The following TRABD2B variants were observed in gnomAD, a reference collection of about 807,000 sequenced individuals.
TRABD2B encodes TraB domain containing 2B.
In TRABD2B, 14 loss-of-function variants were observed where a neutral mutation model predicts 40.1. That is an observed-to-expected ratio of 0.35 (90% confidence interval 0.23 to 0.55). The LOEUF (loss-of-function observed/expected upper bound fraction) is 0.55, where lower values mean the gene tolerates loss of function less well. Among genes scored for constraint, TRABD2B ranks in the 20% least tolerant of loss-of-function variants. The pLI, the probability that TRABD2B is intolerant of heterozygous loss-of-function variation, is 0.90. For synonymous variants in TRABD2B, 263 were observed against 277.0 expected (o/e 0.95, Z 0.50); for missense variants, 541 against 648.6 (o/e 0.83, Z 1.80).
chr1:47,929,499 C>G (rs1645011897), intron 2 of TRABD2B, among the ~76,000 whole-genome samples: 2 of 152,200 alleles, frequency 1.3e-5, no homozygotes, highest in African/African-American at 4.8e-5. Context: ...TGGCAGAGGG[C>G]AGACATTGCA....
intron 2 of TRABD2B, among the ~76,000 whole-genome samples, chr1:47,962,254 C>A (rs538576543): frequency 5.3e-5 from 8 of 152,076 alleles, no homozygotes; most frequent in African/African-American, 1.9e-4. Context: ...AGGAGATATA[C>A]CTAATGTAAA....
At chr1:47,869,833 T>G (rs1644115740) in intron 2 of TRABD2B, among the ~76,000 whole-genome samples, 1 of 151,984 alleles carries the variant, frequency 6.6e-6, no homozygotes, top group African/African-American at 2.4e-5. Context: ...GCAAAGAACA[T>G]TTGGAAGCCA....
chr1:47,864,050 C>A (rs1644018113), intron 2 of TRABD2B, among the ~76,000 whole-genome samples: 1 of 152,004 alleles, frequency 6.6e-6, no homozygotes, highest in South Asian at 2.1e-4. Context: ...GAAAACGCAA[C>A]AAAACTATGG....
At chr1:47,970,259 G>A (rs1645662527) in intron 2 of TRABD2B, among the ~76,000 whole-genome samples, 1 of 151,442 alleles carries the variant, frequency 6.6e-6, no homozygotes, top group African/African-American at 2.4e-5. Flanking sequence ...GTTCAGTGGG[G>A]GACAAAACAC....
intron 2 of TRABD2B, among the ~76,000 whole-genome samples, chr1:47,840,241 GGCACTCGCTACATGCTGA>G (rs1645378370): frequency 6.6e-6 from 1 of 152,144 alleles, no homozygotes; most frequent in Non-Finnish European, 1.5e-5. Context: ...ACAACTGATG[GGCACTCGCTACATGCTGA>G]GCCCTTTCAC....
chr1:47,983,022 A>T (rs1645863304), intron 2 of TRABD2B, among the ~76,000 whole-genome samples: 1 of 152,222 alleles, frequency 6.6e-6, no homozygotes, highest in African/African-American at 2.4e-5. Context: ...TACCATAGAG[A>T]CACAGGTTTG....
chr1:47,794,435 C>T (rs1644716621), intron 4 of TRABD2B, 151 bp downstream of exon 4: 1 of 839,664 alleles, frequency 1.2e-6, no homozygotes, highest in East Asian at 3.1e-5. Context: ...GGAGAACTGC[C>T]TTGGATCTCG....
chr1:47,801,648 G>T, intron 2 of TRABD2B, 29 bp from the exon 3 acceptor site: 1 of 1,532,548 alleles, frequency 6.5e-7, no homozygotes, highest in Non-Finnish European at 8.7e-7. Context: ...GAGGAATGAG[G>T]GCTGTGCTCA....
At chr1:47,766,232 C>T in intron 6 of TRABD2B, 126 bp from the exon 7 acceptor site, 1 of 626,964 alleles carries the variant, frequency 1.6e-6, no homozygotes, top group Non-Finnish European at 2.9e-6. Context: ...GAACAAGGAG[C>T]TTGAGCAGGC....
intron 2 of TRABD2B, among the ~76,000 whole-genome samples, chr1:47,987,128 A>G (rs1232423521): frequency 6.6e-6 from 1 of 152,048 alleles, no homozygotes; most frequent in East Asian, 1.9e-4. Context: ...GCACGCTCCC[A>G]TTTTTATCTC....
chr1:47,991,558 AG>A (rs1443362113), intron 2 of TRABD2B, among the ~76,000 whole-genome samples: 3 of 152,204 alleles, frequency 2.0e-5, no homozygotes, highest in Admixed American at 6.5e-5. Context: ...AGCTTTTTCC[AG>A]GGTTCCAAAA....
intron 2 of TRABD2B, among the ~76,000 whole-genome samples, chr1:47,903,760 T>C (rs1412647730): frequency 6.6e-6 from 1 of 152,158 alleles, no homozygotes; most frequent in East Asian, 1.9e-4. Context: ...ATGCCTCTCA[T>C]TACCATAAAT....
At chr1:47,816,107 TTG>T (rs752151893) in intron 2 of TRABD2B, among the ~76,000 whole-genome samples, 7 of 152,186 alleles carry the variant, frequency 4.6e-5, no homozygotes, top group African/African-American at 1.4e-4. Flanking sequence ...CTGGCTGTTT[TTG>T]TGTCTTCAGC....
intron 2 of TRABD2B, among the ~76,000 whole-genome samples, chr1:47,978,745 T>G (rs1645797260): frequency 6.6e-6 from 1 of 152,190 alleles, no homozygotes; most frequent in Non-Finnish European, 1.5e-5. Flanking sequence ...TGACGCCACT[T>G]CACACTGCGG....
At chr1:47,960,017 G>C (rs1275252247) in intron 2 of TRABD2B, among the ~76,000 whole-genome samples, 4 of 152,170 alleles carry the variant, frequency 2.6e-5, no homozygotes, top group Non-Finnish European at 5.9e-5. Flanking sequence ...TATCCACCAC[G>C]ATCAAGCTGG....
intron 3 of TRABD2B, among the ~76,000 whole-genome samples, chr1:47,796,143 GC>G (rs1644745472): frequency 6.6e-6 from 1 of 152,122 alleles, no homozygotes; most frequent in African/African-American, 2.4e-5. Context: ...TGGATAACAG[GC>G]CCAGGTGCTC....
In TRABD2B at chr1:47,889,929, T is replaced by C. The variant is rs77568811; in HGVS notation, c.667-88310A>G. Among the ~76,000 whole-genome samples the C allele has an allele frequency of 8.5e-3, 1,299 of 152,336 alleles. 25 individuals carry two copies. Among genetic ancestry groups the C allele is most frequent in the African/African-American group, 0.029 (1,215 of 41,566 alleles). The stretch of plus-strand genomic sequence containing the variant: ...TTGTAAATGTGCTTAGGACAGTGTC[T>C]CATCTAGAGGAAGCCAAAGTAAATT... On this transcript the variant is annotated intron_variant, in intron 2 of 6. Coordinates refer to ENST00000606738, the MANE Select transcript of TRABD2B (RefSeq NM_001194986.2).
At chr1:47,917,814 G>T (rs1016158058) in intron 2 of TRABD2B, among the ~76,000 whole-genome samples, 1 of 152,144 alleles carries the variant, frequency 6.6e-6, no homozygotes, top group Non-Finnish European at 1.5e-5. Context: ...AAATACTCCC[G>T]GATTCTTTAT....
chr1:47,801,482 GT>G lies in TRABD2B; in HGVS notation c.803del (p.Asp268AlafsTer19). 3 of 1,536,036 alleles carry G rather than the reference GT, an allele frequency of 2.0e-6. No individual in the cohort carries two copies. Among genetic ancestry groups the G allele is most frequent in the Non-Finnish European group, 2.6e-6 (3 of 1,146,842 alleles). ...TGGAGAGGAGCCTCACCTGGGATGT[GT>G]CGTGGTTGAAGATGACTGCGCTGAG... ...GDLSAVIFNH[D>X]TSQLPNFINT... On this transcript the variant is annotated frameshift_variant, in exon 3 of 7. Coordinates refer to ENST00000606738, the MANE Select transcript of TRABD2B (RefSeq NM_001194986.2). LOFTEE classifies it high-confidence loss of function.
Sources: allele counts gnomAD v4.1 joint callset (sites outside exome capture counted in the v4.1 genomes callset), GRCh38; gene constraint gnomAD v4.1.1; transcripts MANE v1.5; gene names NCBI Gene and HGNC (gene_info 2026-07-23, HGNC 2026-07-21).